The following TBL1Y variants were observed in gnomAD, a reference collection of about 807,000 sequenced individuals.
The protein encoded by TBL1Y is transducin beta like 1 Y-linked, also known as F-box-like/WD repeat-containing protein TBL1Y.
Under a neutral mutation model 12.0 loss-of-function variants are expected in TBL1Y, and 15 were observed. The observed-to-expected ratio is 1.25, with a 90% CI of 0.83 to 1.92. The LOEUF is 1.92. TBL1Y is among the 40% of genes most tolerant of loss of function. The pLI is 0.00. For missense variants in TBL1Y, 148 were observed against 116.7 expected (o/e 1.27, Z -1.24); for synonymous variants, 53 against 42.6 (o/e 1.24, Z -0.95).
chrY:6,973,669 C>A (rs2012222042), intron 2 of TBL1Y, among the ~76,000 whole-genome samples: 1 of 33,165 alleles, frequency 3.0e-5, no homozygotes, highest in Non-Finnish European at 7.4e-5. Context: ...GAGAGTCCAC[C>A]AGCCTTTGTG....
At chrY:7,037,494 G>A in intron 6 of TBL1Y, among the ~76,000 whole-genome samples, 2 of 32,954 alleles carry the variant, frequency 6.1e-5, no homozygotes, top group African/African-American at 2.4e-4. Flanking sequence ...TTGTTTTTAT[G>A]TATGGTGAGT....
chrY:6,979,083 C>T (rs2012266669), intron 3 of TBL1Y, among the ~76,000 whole-genome samples: 2 of 32,365 alleles, frequency 6.2e-5, no homozygotes, highest in African/African-American at 2.4e-4. Flanking sequence ...TACAGGCAAC[C>T]GCCACCACGC....
intron 6 of TBL1Y, among the ~76,000 whole-genome samples, chrY:7,039,437 G>C: frequency 9.0e-5 from 3 of 33,186 alleles, no homozygotes; most frequent in African/African-American, 3.6e-4. Context: ...ATGGTGGAAT[G>C]TGCAGGGGAG....
At chrY:6,985,230 C>T (rs2012308985) in intron 3 of TBL1Y, among the ~76,000 whole-genome samples, 1 of 33,671 alleles carries the variant, frequency 3.0e-5, no homozygotes, top group Non-Finnish European at 7.4e-5. Flanking sequence ...CAGGACAGGG[C>T]GCCAGCCTGA....
intron 2 of TBL1Y, among the ~76,000 whole-genome samples, chrY:6,940,533 G>A: frequency 3.1e-5 from 1 of 32,700 alleles, no homozygotes; most frequent in Non-Finnish European, 7.5e-5. Context: ...AGTGAGCCAA[G>A]GTTTGCTTTC....
chrY:7,023,844 C>T (rs1055075841), intron 5 of TBL1Y, among the ~76,000 whole-genome samples: 2 of 32,667 alleles, frequency 6.1e-5, no homozygotes, highest in African/African-American at 2.4e-4. Context: ...CCTATCAACC[C>T]ATCACTTTGG....
intron 4 of TBL1Y, among the ~76,000 whole-genome samples, chrY:7,001,624 A>C (rs2012453186): frequency 3.0e-5 from 1 of 33,625 alleles, no homozygotes. Context: ...GTCTCAAAAA[A>C]AAAACAAAAA....
At chrY:6,962,401 G>A (rs781053058) in intron 2 of TBL1Y, among the ~76,000 whole-genome samples, 2 of 33,452 alleles carry the variant, frequency 6.0e-5, no homozygotes, top group Admixed American at 2.7e-4. Flanking sequence ...ATAGTTTATT[G>A]TAACAATTTA....
chrY:7,060,903 T>C (rs1360905892), intron 7 of TBL1Y, among the ~76,000 whole-genome samples: 1 of 32,193 alleles, frequency 3.1e-5, no homozygotes. Context: ...AACCATTTAC[T>C]GTCCTGACCT....
At chrY:6,922,888 A>T in intron 2 of TBL1Y, among the ~76,000 whole-genome samples, 1 of 34,506 alleles carries the variant, frequency 2.9e-5, no homozygotes, top group Non-Finnish European at 7.3e-5. Context: ...CGGAGGCCAC[A>T]GCCCACCCAG....
intron 3 of TBL1Y, among the ~76,000 whole-genome samples, chrY:6,986,996 AC>A (rs2012323047): frequency 1.2e-4 from 4 of 33,433 alleles, no homozygotes; most frequent in Non-Finnish European, 2.2e-4. Flanking sequence ...CTCATAAAAT[AC>A]ATTGAATACT....
chrY:6,993,387 A>T (rs1006698521), intron 3 of TBL1Y, among the ~76,000 whole-genome samples: 2 of 31,002 alleles, frequency 6.5e-5, no homozygotes, highest in African/African-American at 2.5e-4. Context: ...AAAAAAAAAA[A>T]TTTAACTTAA....
At chrY:7,065,999 C>T in intron 8 of TBL1Y, among the ~76,000 whole-genome samples, 1 of 34,021 alleles carries the variant, frequency 2.9e-5, no homozygotes, top group African/African-American at 1.1e-4. Flanking sequence ...TTAATGGACT[C>T]GTGGTTCCAC....
chrY:6,988,909 G>T, intron 3 of TBL1Y, among the ~76,000 whole-genome samples: 1 of 32,314 alleles, frequency 3.1e-5, no homozygotes, highest in African/African-American at 1.2e-4. Flanking sequence ...CACTTGAAAA[G>T]TGTGGCCATT....
chrY:6,981,261 A>G (rs2012279521), intron 3 of TBL1Y, among the ~76,000 whole-genome samples: 1 of 33,450 alleles, frequency 3.0e-5, no homozygotes, highest in Non-Finnish European at 7.3e-5. Flanking sequence ...AATCAAAATT[A>G]CATCAGATTG....
intron 2 of TBL1Y, among the ~76,000 whole-genome samples, chrY:6,935,023 TTTTC>T (rs374227506): frequency 3.1e-5 from 1 of 31,910 alleles, no homozygotes; most frequent in African/African-American, 1.2e-4. Flanking sequence ...TTTTCTTTTC[TTTTC>T]TTTTTCTTTT....
chrY:7,005,392 A>G (rs755270770), intron 4 of TBL1Y, among the ~76,000 whole-genome samples: 1 of 32,998 alleles, frequency 3.0e-5, no homozygotes, highest in South Asian at 7.0e-4. Context: ...TAGTACCACT[A>G]CATTTCATCC....
At chrY:6,917,705 C>T (rs943948938) in intron 2 of TBL1Y, among the ~76,000 whole-genome samples, 1 of 32,546 alleles carries the variant, frequency 3.1e-5, no homozygotes, top group Non-Finnish European at 7.5e-5. Flanking sequence ...GCTAGCTGTC[C>T]GAGCTCTGCT....
intron 3 of TBL1Y, among the ~76,000 whole-genome samples, chrY:6,987,146 A>G (rs2012324102): frequency 3.1e-5 from 1 of 32,634 alleles, no homozygotes. Context: ...CATTTGTCTA[A>G]GTTATGTGGA....
Sources: gnomAD v4.1 joint callset for allele counts (sites outside exome capture counted in the v4.1 genomes callset) on GRCh38, gnomAD v4.1.1 for gene constraint, MANE v1.5 for transcripts, NCBI Gene and HGNC (gene_info 2026-07-23, HGNC 2026-07-21) for gene names.